The following FRYL variants were observed in gnomAD, a reference collection of about 807,000 sequenced individuals.
FRYL encodes the protein protein furry homolog-like.
Under a neutral mutation model 351.2 loss-of-function variants are expected in FRYL, and 150 were observed. The observed-to-expected ratio is 0.43, with a 90% confidence interval of 0.37 to 0.49. The LOEUF (loss-of-function observed/expected upper bound fraction) is 0.49, where lower values mean the gene tolerates loss of function less well. FRYL is among the 20% of genes least tolerant of loss of function. The pLI, the probability that FRYL is intolerant of heterozygous loss-of-function variation, is 0.00. For synonymous variants in FRYL, 1,153 were observed against 1,257.1 expected (o/e 0.92, Z 1.75); for missense variants, 3,036 against 3,619.3 (o/e 0.84, Z 4.13).
Position 48,567,273 on chromosome 4 carries a change from C to T in FRYL, c.3144G>A (p.Val1048=), listed in dbSNP as rs1333129719. The T allele has an allele frequency of 1.9e-6, 3 of 1,611,136 alleles. No individual in the cohort carries two copies. In the South Asian group the frequency reaches 3.3e-5, roughly 18 times the overall value. Residue 1048 remains valine, a synonymous_variant, in exon 28 of 64, where the codon GTG becomes GTA. Coordinates refer to ENST00000358350, the MANE Select transcript of FRYL (RefSeq NM_015030.2). The surrounding 1 kb of genome is among the most constrained non-coding windows in gnomAD (Gnocchi z 4.2). The stretch of plus-strand genomic sequence containing the variant: ...CTGGAACATTCTGAATAATATTCGC[C>T]ACTAAGGCACTAAAATGGCATCGTA... ...KDIRCHFSAL[V]ANIIQNVPVH...
chr4:48,515,335 C>A (rs7661515), intron 55 of FRYL, 60 bp from the exon 56 acceptor site: 607,396 of 1,224,648 alleles, frequency 0.5, 154,465 homozygotes, highest in South Asian at 0.6. Flanking sequence ...TTTTACAACA[C>A]AATAAATAAG....
intron 45 of FRYL, among the ~76,000 whole-genome samples, chr4:48,541,301 T>C (rs1384730422): frequency 6.6e-6 from 1 of 152,200 alleles, no homozygotes; most frequent in Non-Finnish European, 1.5e-5. Context: ...AACTTGATGG[T>C]CCTGATGTCC....
intron 3 of FRYL, among the ~76,000 whole-genome samples, chr4:48,638,928 G>A (rs1338095335): frequency 6.6e-6 from 1 of 152,144 alleles, no homozygotes; most frequent in East Asian, 1.9e-4. Context: ...GACACAGGGA[G>A]GGGAACATCA....
intron 40 of FRYL, among the ~76,000 whole-genome samples, chr4:48,548,267 G>C (rs185422111): frequency 1.5e-3 from 226 of 152,228 alleles, no homozygotes; most frequent in Non-Finnish European, 2.6e-3. Context: ...TGCTACAGAA[G>C]GCACGATGGA....
chr4:48,617,464 T>C (rs1749740440), intron 7 of FRYL: 1 of 152,026 alleles, frequency 6.6e-6, no homozygotes, highest in South Asian at 2.1e-4. Flanking sequence ...TCCTCCTGCC[T>C]CAGCCTCCAG....
chr4:48,677,179 A>C (rs918512784), intron 3 of FRYL, among the ~76,000 whole-genome samples: 6 of 152,220 alleles, frequency 3.9e-5, no homozygotes, highest in Non-Finnish European at 8.8e-5. Context: ...AAAATAAAAA[A>C]ATTATCAATA....
At chr4:48,767,551 A>T (rs1775094473) in intron 1 of FRYL, among the ~76,000 whole-genome samples, 1 of 152,224 alleles carries the variant, frequency 6.6e-6, no homozygotes, top group African/African-American at 2.4e-5. Flanking sequence ...AAGTGAAATA[A>T]ATCAAACACA....
In FRYL at chr4:48,739,421, A is replaced by AAAAAAAAAAAAAAAAAAAT. The variant is rs56312141; in HGVS notation, c.-383-28724_-383-28723insATTTTTTTTTTTTTTTTTT. Among the ~76,000 whole-genome samples the AAAAAAAAAAAAAAAAAAAT allele has an allele frequency of 2.6e-5, 3 of 117,116 alleles. 1 individual carries two copies. The highest frequency in any genetic ancestry group is 5.5e-5 in the Non-Finnish European group (3 of 54,824). The allele number at this position is 117,116 out of a possible 152,430, so 76.8% of individuals were successfully genotyped here. A position where few individuals can be genotyped will look rare whatever the true frequency, so the allele number is the denominator to read the frequency against. On this transcript the variant is annotated intron_variant, in intron 1 of 63. Coordinates refer to ENST00000358350, the MANE Select transcript of FRYL (RefSeq NM_015030.2). ...GTCTCAAAAAAAAAAAAAAAAAAAA[A>AAAAAAAAAAAAAAAAAAAT]CAACTAATCTTTGAAAATGGAGCAA...
At chr4:48,767,115 T>C (rs1775040768) in intron 1 of FRYL, among the ~76,000 whole-genome samples, 1 of 151,754 alleles carries the variant, frequency 6.6e-6, no homozygotes, top group African/African-American at 2.4e-5. Context: ...GGGTAAGTTA[T>C]AGAGAAGAGA....
intron 2 of FRYL, among the ~76,000 whole-genome samples, chr4:48,695,044 AGAGT>A (rs765368130): frequency 1.5e-3 from 226 of 152,350 alleles, no homozygotes; most frequent in Non-Finnish European, 2.6e-3. Context: ...CCTGGGCAAC[AGAGT>A]GAGACCCTGT....
At chr4:48,777,976 A>C (rs983751828) in intron 1 of FRYL, among the ~76,000 whole-genome samples, 10 of 152,194 alleles carry the variant, frequency 6.6e-5, no homozygotes, top group Non-Finnish European at 1.2e-4. Flanking sequence ...GCTTGAGGCC[A>C]GGAGTTGGAG....
At chr4:48,684,938 A>G (rs1765003832) in intron 2 of FRYL, 143 bp from the exon 3 acceptor site, 1 of 152,210 alleles carries the variant, frequency 6.6e-6, no homozygotes, top group South Asian at 2.1e-4. Context: ...ATAATGTTAC[A>G]TGACATTTTT....
intron 1 of FRYL, among the ~76,000 whole-genome samples, chr4:48,775,517 G>C (rs1775924486): frequency 6.6e-6 from 1 of 152,062 alleles, no homozygotes; most frequent in Non-Finnish European, 1.5e-5. Context: ...CTGCCCTCTG[G>C]GGTAGCTTAA....
At position 48,717,262 on chromosome 4, in the gene FRYL, T is replaced by G. The variant is rs1168062649; in HGVS notation, c.-383-6564A>C. Among the ~76,000 whole-genome samples, 3 of 151,038 alleles carry G rather than the reference T, an allele frequency of 2.0e-5. No individual in the cohort carries two copies. In the East Asian group the frequency reaches 5.9e-4, roughly 30 times the overall value. ...CATTGTGCACATGTACCCTAAAACT[T>G]AAAGTATAATAATAAAAAAAAACAA... On this transcript the variant is annotated intron_variant, in intron 1 of 63. Transcript: ENST00000358350.
intron 35 of FRYL, 51 bp downstream of exon 35, chr4:48,556,927 A>C: frequency 7.0e-7 from 1 of 1,426,944 alleles, no homozygotes; most frequent in Non-Finnish European, 9.4e-7. Flanking sequence ...ATCACAAGAT[A>C]CTAGTAAATA....
At chr4:48,711,065 C>T (rs758768957) in intron 1 of FRYL, among the ~76,000 whole-genome samples, 2 of 151,964 alleles carry the variant, frequency 1.3e-5, no homozygotes, top group Non-Finnish European at 2.9e-5. Flanking sequence ...CTAAAAAAAA[C>T]ATTATGCTGG....
intron 1 of FRYL, among the ~76,000 whole-genome samples, chr4:48,771,769 C>A (rs1429100949): frequency 9.0e-6 from 1 of 111,294 alleles, no homozygotes; most frequent in African/African-American, 3.8e-5. Context: ...GTTCCTCACC[C>A]AGAAGAACAT....
chr4:48,612,525 T>TGTGTGA (rs987228321), intron 7 of FRYL, among the ~76,000 whole-genome samples: 10 of 151,672 alleles, frequency 6.6e-5, no homozygotes, highest in South Asian at 2.1e-4. Context: ...TGTGTGTGTG[T>TGTGTGA]GACACCACAT....
intron 1 of FRYL, among the ~76,000 whole-genome samples, chr4:48,715,242 T>G (rs1435529640): frequency 6.6e-6 from 1 of 151,424 alleles, no homozygotes; most frequent in Non-Finnish European, 1.5e-5. Flanking sequence ...TCACCACTCC[T>G]ATTCAACATA....
Sources: allele counts gnomAD v4.1 joint callset (sites outside exome capture counted in the v4.1 genomes callset), GRCh38; gene constraint gnomAD v4.1.1; non-coding constraint Gnocchi (gnomAD v3.1); transcripts MANE v1.5; gene names NCBI Gene and HGNC (gene_info 2026-07-23, HGNC 2026-07-21).